Variants in AGBL1 observed in about 807,000 individuals in gnomAD.
AGBL1 encodes AGBL carboxypeptidase 1, also known as cytosolic carboxypeptidase 4.
A neutral mutation model predicts 118.9 loss-of-function variants in AGBL1; 130 were observed. The ratio of observed to expected loss-of-function variants is 1.09; its 90% CI spans 0.95 to 1.26. The LOEUF (loss-of-function observed/expected upper bound fraction) is 1.26, where lower values mean the gene tolerates loss of function less well. Ranked by LOEUF, AGBL1 falls within the 50% of genes most tolerant of loss-of-function variation. AGBL1 has a pLI of 0.00. For missense variants in AGBL1, 1,584 were observed against 1,298.1 expected, an observed-to-expected ratio of 1.22 and a Z score of -3.38; for synonymous variants, 555 against 478.9, an observed-to-expected ratio of 1.16 and a Z score of -2.08.
chr15:86,185,823 T>A (rs527311588), intron 5 of AGBL1, among the ~76,000 whole-genome samples: 1 of 152,142 alleles, frequency 6.6e-6, no homozygotes, highest in African/African-American at 2.4e-5. Context: ...AGTTAATGGG[T>A]GCAGCACACC....
chr15:86,228,485 C>T (rs866883043), intron 6 of AGBL1, among the ~76,000 whole-genome samples: 4 of 152,224 alleles, frequency 2.6e-5, no homozygotes, highest in Middle Eastern at 3.4e-3. Context: ...AGTAAAGACC[C>T]ACTACTCTGC....
chr15:86,864,375 G>T (rs143193056), intron 22 of AGBL1, among the ~76,000 whole-genome samples: 451 of 152,226 alleles, frequency 3.0e-3, no homozygotes, highest in Non-Finnish European at 5.4e-3. Flanking sequence ...TTGAAAGTTC[G>T]CTTTACTCAG....
intron 18 of AGBL1, among the ~76,000 whole-genome samples, chr15:86,455,894 C>T (rs1190908885): frequency 2.0e-5 from 3 of 152,112 alleles, no homozygotes; most frequent in Admixed American, 2.0e-4. Context: ...ATAGCCATTA[C>T]CCTATACTTT....
At chr15:86,654,323 A>G (rs922839996) in intron 21 of AGBL1, among the ~76,000 whole-genome samples, 1 of 152,186 alleles carries the variant, frequency 6.6e-6, no homozygotes, top group Non-Finnish European at 1.5e-5. Context: ...TCAAAGCTAT[A>G]TAATAAAGAC....
chr15:86,171,214 A>C (rs1304082114), intron 5 of AGBL1, among the ~76,000 whole-genome samples: 1 of 152,232 alleles, frequency 6.6e-6, no homozygotes. Flanking sequence ...AAGGAGCACT[A>C]GAAATGGTAA....
chr15:86,246,811 G>C lies in AGBL1; in HGVS notation c.527-860G>C, dbSNP rs144861467. On this transcript the variant is annotated intron_variant, in intron 6 of 22. Coordinates refer to ENST00000614907, the MANE Select transcript of AGBL1 (RefSeq NM_001386094.1). ...GAAAGGACAGCCAACATATCTCTTA[G>C]ACATGGCAGCCTTACAGGTACTATA... 9.4e-4 allele frequency among the ~76,000 whole-genome samples: 143 copies of C among 152,246 alleles called. 2 individuals carry two copies. The East Asian group carries it at 0.026, about 27-fold the overall frequency.
intron 1 of AGBL1, among the ~76,000 whole-genome samples, chr15:86,087,283 A>T (rs931642943): frequency 6.6e-6 from 1 of 151,186 alleles, no homozygotes; most frequent in Admixed American, 6.6e-5. Context: ...AGCTTCTGCA[A>T]GTCAGGAGCT....
intron 22 of AGBL1, among the ~76,000 whole-genome samples, chr15:86,836,517 G>A (rs1596535537): frequency 6.6e-6 from 1 of 152,060 alleles, no homozygotes. Flanking sequence ...TTTTTCTCAG[G>A]TCCTCCAACA....
intron 17 of AGBL1, chr15:86,312,448 A>G (rs1001144844): frequency 6.6e-6 from 1 of 152,232 alleles, no homozygotes; most frequent in Admixed American, 6.5e-5. Flanking sequence ...ACTGCCCCAA[A>G]TGTGATAATT....
At chr15:87,005,248 T>A (rs2442080) in intron 24 of AGBL1, among the ~76,000 whole-genome samples, 1 of 151,734 alleles carries the variant, frequency 6.6e-6, no homozygotes, top group African/African-American at 2.4e-5. Context: ...CCTTGCTAGA[T>A]TGGGGAAGTT....
At position 86,554,500 on chromosome 15, in the gene AGBL1, A is replaced by G. The variant is rs1396487147; in HGVS notation, c.2957A>G (p.Glu986Gly). ...EMGVSRSYTM[E>G]SSYCGCNQGP... ...GGGGTGTCCAGAAGCTACACCATGG[A>G]AAGCAGCTACTGTGGCTGCAACCAG... The change falls in exon 21 of 23, where the codon GAA (glutamate) becomes GGA (glycine). Residue 986 changes from glutamate (E) to glycine (G), a missense_variant. Glu to Gly is a moderately conservative substitution (Grantham distance 98). Transcript: ENST00000614907. The G allele has an allele frequency of 5.1e-6, 8 of 1,569,634 alleles. No individual in the cohort carries two copies. Among genetic ancestry groups the G allele is most frequent in the Non-Finnish European group, 6.9e-6 (8 of 1,159,774 alleles).
At chr15:86,315,083 T>G (rs1338762380) in intron 17 of AGBL1, among the ~76,000 whole-genome samples, 5 of 152,226 alleles carry the variant, frequency 3.3e-5, no homozygotes, top group Admixed American at 3.3e-4. Context: ...TAAATACTCA[T>G]ACCCATAATC....
At chr15:86,985,256 T>C (rs2081270540) in intron 23 of AGBL1, among the ~76,000 whole-genome samples, 1 of 152,196 alleles carries the variant, frequency 6.6e-6, no homozygotes, top group South Asian at 2.1e-4. Flanking sequence ...GGTAAGTATC[T>C]GGTAATGAAA....
chr15:86,565,745 C>T (rs980452728), intron 21 of AGBL1, among the ~76,000 whole-genome samples: 1 of 152,216 alleles, frequency 6.6e-6, no homozygotes, highest in Non-Finnish European at 1.5e-5. Context: ...TCTACAGAGG[C>T]AGGCAGGCCT....
At chr15:86,688,953 G>A (rs2086112023) in intron 22 of AGBL1, among the ~76,000 whole-genome samples, 1 of 152,006 alleles carries the variant, frequency 6.6e-6, no homozygotes, top group Non-Finnish European at 1.5e-5. Flanking sequence ...TATGTCAATG[G>A]AATCATATGG....
chr15:86,842,534 G>A (rs764143027), intron 22 of AGBL1, among the ~76,000 whole-genome samples: 1 of 152,108 alleles, frequency 6.6e-6, no homozygotes, highest in Admixed American at 6.6e-5. Context: ...AAAATGGTAT[G>A]GGAACATTCC....
At chr15:86,116,687 C>T (rs1306680245) in intron 1 of AGBL1, 2 of 152,240 alleles carry the variant, frequency 1.3e-5, no homozygotes, top group Non-Finnish European at 2.9e-5. Context: ...GCAACCCCTA[C>T]CCCTGATACC....
intron 23 of AGBL1, among the ~76,000 whole-genome samples, chr15:86,952,098 G>A (rs1269285087): frequency 6.6e-6 from 1 of 151,996 alleles, no homozygotes; most frequent in South Asian, 2.1e-4. Flanking sequence ...GTGTGTGGTG[G>A]CAGGTGCCTG....
chr15:86,115,408 C>T lies in AGBL1; in HGVS notation c.52-26596C>T, dbSNP rs200964249. 2.5e-3 allele frequency among the ~76,000 whole-genome samples: 378 copies of T among 152,224 alleles called. 2 individuals carry two copies. Among genetic ancestry groups the T allele is most frequent in the Middle Eastern group, 6.8e-3 (2 of 294 alleles). ...TCTTTACTTTATTGGCTATTTCTTT[C>T]TTTCTTTTTCTTAAGAAAAAAAATT... On this transcript the variant is annotated intron_variant, in intron 1 of 22. Coordinates refer to ENST00000614907, the MANE Select transcript of AGBL1 (RefSeq NM_001386094.1).
Sources: gnomAD v4.1 joint callset for allele counts (sites outside exome capture counted in the v4.1 genomes callset) on GRCh38, gnomAD v4.1.1 for gene constraint, MANE v1.5 for transcripts, NCBI Gene and HGNC (gene_info 2026-07-23, HGNC 2026-07-21) for gene names.